The following INPP5D variants were observed in gnomAD, a reference collection of about 807,000 sequenced individuals.
INPP5D encodes inositol polyphosphate-5-phosphatase D.
INPP5D carries 33 observed loss-of-function variants against 122.9 expected under a neutral mutation model. The observed-to-expected ratio is 0.27, with a 90% CI of 0.20 to 0.36. The LOEUF (loss-of-function observed/expected upper bound fraction) is 0.36. Ranked by LOEUF, INPP5D falls within the 10% of genes least tolerant of loss-of-function variation. The pLI, the probability that INPP5D is intolerant of heterozygous loss-of-function variation, is 1.00. For missense variants in INPP5D, 1,053 were observed against 1,412.7 expected, an observed-to-expected ratio of 0.75 and a Z score of 4.08; for synonymous variants, 584 against 576.2, an observed-to-expected ratio of 1.01 and a Z score of -0.19.
chr2:233,183,850 T>C lies in INPP5D; in HGVS notation c.2162-558T>C, dbSNP rs1027708311. 1.3e-5 allele frequency among the ~76,000 whole-genome samples: 2 copies of C among 152,216 alleles called. No homozygotes were observed. On this transcript the variant is annotated intron_variant, in intron 19 of 26. Coordinates refer to ENST00000445964, the MANE Select transcript of INPP5D (RefSeq NM_001017915.3). The surrounding 1 kb of genome is among the most constrained non-coding windows in gnomAD (Gnocchi z 4.6). ...TCTGTTCTGTGGCTCAAAATTTCTA[T>C]GAAAGGACAGAACACTTGTTTAAAA...
intron 21 of INPP5D, among the ~76,000 whole-genome samples, chr2:233,186,680 CTT>C (rs1694925017): frequency 3.6e-5 from 1 of 27,538 alleles, no homozygotes; most frequent in East Asian, 1.1e-3. Context: ...TTCTTTTTCT[CTT>C]TCTTTTTTTT....
In INPP5D at chr2:233,060,554, G is replaced by A. The variant is rs1691042465; in HGVS notation, c.76G>A (p.Gly26Arg). 6.2e-7 allele frequency: 1 copy of A among 1,613,862 alleles called. No individual in the cohort carries two copies. The highest frequency in any genetic ancestry group is 1.3e-5 in the African/African-American group (1 of 74,946). The change falls in exon 1 of 27, where the codon GGG (glycine) becomes AGG (arginine). Residue 26 changes from glycine to arginine, a missense_variant. Coordinates refer to ENST00000445964, the MANE Select transcript of INPP5D (RefSeq NM_001017915.3). ...GCTGCTTTCCAGGACAGGCAAGGAC[G>A]GGAGCTTCCTCGTGCGTGCCAGCGA... Reference protein sequence around the residue: ...EELLSRTGKDGSFLVRASESI... With the variant: ...EELLSRTGKDRSFLVRASESI...
chr2:233,080,047 A>G (rs1691631380), intron 2 of INPP5D, among the ~76,000 whole-genome samples: 2 of 152,150 alleles, frequency 1.3e-5, no homozygotes, highest in Non-Finnish European at 2.9e-5. Context: ...CCCCTGCCTC[A>G]GTCTCCCTAG....
At position 233,164,140 on chromosome 2, in the gene INPP5D, A is replaced by T. The variant is rs536201872; in HGVS notation, c.1438-167A>T. Among the ~76,000 whole-genome samples, 5 of 151,982 alleles carry T rather than the reference A, an allele frequency of 3.3e-5. No individual in the cohort carries two copies. In the South Asian group the frequency reaches 1.0e-3, roughly 32 times the overall value. On this transcript the variant is annotated intron_variant, in intron 12 of 26. Coordinates refer to ENST00000445964, the MANE Select transcript of INPP5D (RefSeq NM_001017915.3). The surrounding 1 kb of genome is among the most constrained non-coding windows in gnomAD (Gnocchi z 4.3). ...GTCAGCCCCGGTTCTCATCTTTAGG[A>T]TGTTTTGTCTCGCCTATCAAGCATC...
At chr2:233,165,643 T>C (rs7607730) in intron 13 of INPP5D, among the ~76,000 whole-genome samples, 2 of 152,020 alleles carry the variant, frequency 1.3e-5, no homozygotes, top group African/African-American at 4.8e-5. Flanking sequence ...TATGAGTGTG[T>C]GAGAGTCCAT....
chr2:233,165,574 ATG>A (rs950277524), intron 13 of INPP5D, among the ~76,000 whole-genome samples: 8 of 139,662 alleles, frequency 5.7e-5, no homozygotes, highest in Non-Finnish European at 1.2e-4. Context: ...GTGTCCATGC[ATG>A]TGTGTTTGTG....
At chr2:233,109,379 C>A (rs934440290) in intron 2 of INPP5D, among the ~76,000 whole-genome samples, 1 of 152,214 alleles carries the variant, frequency 6.6e-6, no homozygotes, top group African/African-American at 2.4e-5. Flanking sequence ...CGTCTATGCG[C>A]GTTGCTGTGT....
At chr2:233,095,544 A>C (rs1211588018) in intron 2 of INPP5D, among the ~76,000 whole-genome samples, 1 of 148,986 alleles carries the variant, frequency 6.7e-6, no homozygotes, top group African/African-American at 2.5e-5. Flanking sequence ...AATCGCCTGA[A>C]CCTGGGAGGC....
intron 2 of INPP5D, among the ~76,000 whole-genome samples, chr2:233,096,521 G>A (rs1436969133): frequency 5.9e-5 from 9 of 152,038 alleles, no homozygotes; most frequent in East Asian, 1.9e-4. Flanking sequence ...GCGTGGTGGC[G>A]CATGCCTGTA....
intron 25 of INPP5D, among the ~76,000 whole-genome samples, chr2:233,198,987 C>T (rs1044356023): frequency 5.3e-5 from 8 of 151,412 alleles, no homozygotes; most frequent in African/African-American, 1.9e-4. Context: ...CGGTGGCTCA[C>T]GCCTGTAATC....
At chr2:233,072,075 C>A (rs2106202205) in intron 1 of INPP5D, among the ~76,000 whole-genome samples, 1 of 152,330 alleles carries the variant, frequency 6.6e-6, no homozygotes, top group East Asian at 1.9e-4. Flanking sequence ...AAAACATCCA[C>A]CTCAAGGAGA....
At chr2:233,113,906 C>CTTTTT (rs778997649) in intron 2 of INPP5D, among the ~76,000 whole-genome samples, 14 of 127,724 alleles carry the variant, frequency 1.1e-4, no homozygotes, top group South Asian at 2.5e-4. Flanking sequence ...CCAAACCACT[C>CTTTTT]TTTTTTTTTT....
intron 11 of INPP5D, among the ~76,000 whole-genome samples, chr2:233,163,321 G>A (rs910901152): frequency 1.3e-5 from 2 of 152,136 alleles, no homozygotes; most frequent in Non-Finnish European, 2.9e-5. Context: ...TCCCAACAAT[G>A]GGTTAGAACC....
Position 233,204,477 on chromosome 2 carries a change from G to T in INPP5D, c.3327G>T (p.Pro1109=). 1.3e-6 allele frequency: 2 copies of T among 1,587,892 alleles called. No homozygotes were observed. Among genetic ancestry groups the T allele is most frequent in the South Asian group, 1.1e-5 (1 of 87,670 alleles). ...AGAGCCAAGGGAAGCCCAAGACCCC[G>T]GTCAGCTCCCAGGCCCCGGTGCCGG... ...GDKSQGKPKT[P]VSSQAPVPAK... is the part of the protein sequence containing the mutation. Residue 1109 remains proline, a synonymous_variant, in exon 26 of 27, where the codon CCG becomes CCT. Coordinates refer to ENST00000445964, the MANE Select transcript of INPP5D (RefSeq NM_001017915.3).
In INPP5D at chr2:233,066,980, G is replaced by C. The variant is rs191395811; in HGVS notation, c.134+6368G>C. ...TTTAGTAGAGACGAGGTTTCACCAT[G>C]TTGGCTAGGCTGGTCCCGAACTCCT... On this transcript the variant is annotated intron_variant, in intron 1 of 26. Transcript: ENST00000445964. Among the ~76,000 whole-genome samples the C allele has an allele frequency of 1.6e-3, 251 of 152,284 alleles. 1 individual carries two copies. The highest frequency in any genetic ancestry group is 5.9e-3 in the African/African-American group (245 of 41,566).
intron 25 of INPP5D, 67 bp downstream of exon 25, chr2:233,198,443 C>T (rs890134776): frequency 6.5e-7 from 1 of 1,534,048 alleles, no homozygotes; most frequent in Non-Finnish European, 8.8e-7. Flanking sequence ...TTTGGGCTTT[C>T]ACCCTAGAAT....
At chr2:233,080,064 G>A (rs1301171205) in intron 2 of INPP5D, among the ~76,000 whole-genome samples, 2 of 152,120 alleles carry the variant, frequency 1.3e-5, no homozygotes, top group Non-Finnish European at 2.9e-5. Flanking sequence ...CTAGTAGCTG[G>A]GATTATAGGT....
At chr2:233,123,633 G>A (rs13021947) in intron 3 of INPP5D, among the ~76,000 whole-genome samples, 54,475 of 152,024 alleles carry the variant, frequency 0.36, 11,028 homozygotes, top group Non-Finnish European at 0.45. Context: ...ATACCTAAGG[G>A]AATAGAAATC....
intron 2 of INPP5D, among the ~76,000 whole-genome samples, chr2:233,099,557 A>T (rs775052813): frequency 1.5e-4 from 23 of 152,262 alleles, no homozygotes; most frequent in Non-Finnish European, 3.1e-4. Flanking sequence ...TGAACCCCAT[A>T]AAATGCTTTA....
Sources: allele counts gnomAD v4.1 joint callset (sites outside exome capture counted in the v4.1 genomes callset), GRCh38; gene constraint gnomAD v4.1.1; non-coding constraint Gnocchi (gnomAD v3.1); transcripts MANE v1.5; gene names NCBI Gene and HGNC (gene_info 2026-07-23, HGNC 2026-07-21).